The following ARHGAP42 variants were observed in gnomAD, a reference collection of about 807,000 sequenced individuals.
The protein encoded by ARHGAP42 is rho GTPase-activating protein 42.
A neutral mutation model predicts 125.0 loss-of-function variants in ARHGAP42; 63 were observed. That is an observed-to-expected ratio of 0.50 (90% CI 0.41 to 0.62). The LOEUF (loss-of-function observed/expected upper bound fraction) is 0.62, where lower values mean the gene tolerates loss of function less well. ARHGAP42 is among the 20% of genes least tolerant of loss of function. The pLI, the probability that ARHGAP42 is intolerant of heterozygous loss-of-function variation, is 0.00. For synonymous variants in ARHGAP42, 339 were observed against 351.0 expected (o/e 0.97, Z 0.38); for missense variants, 766 against 1,024.2 (o/e 0.75, Z 3.44).
intron 4 of ARHGAP42, among the ~76,000 whole-genome samples, chr11:100,905,535 A>T (rs182255230): frequency 5.3e-5 from 8 of 152,354 alleles, no homozygotes; most frequent in Admixed American, 5.2e-4. Flanking sequence ...CATTGTCCAC[A>T]TAACAATATA....
rs1161656215 is a variant in ARHGAP42, at chr11:100,976,273, A to C, written c.2072A>C (p.Asp691Ala). ...TTSPESSSREDATKTDAESDC... is the reference protein window; with the variant it reads ...TTSPESSSREAATKTDAESDC... ...AGTCCTGAATCAAGTTCCAGAGAAG[A>C]TGCAACCAAGACAGATGCAGAATCA... The change falls in exon 20 of 24, where the codon GAT (aspartate) becomes GCT (alanine). Residue 691 changes from aspartate to alanine, a missense_variant. Transcript: ENST00000298815. 4 of 1,551,620 alleles carry C rather than the reference A, an allele frequency of 2.6e-6. No individual in the cohort carries two copies. The highest frequency in any genetic ancestry group is 3.5e-6 in the Non-Finnish European group (4 of 1,146,948).
intron 23 of ARHGAP42, among the ~76,000 whole-genome samples, chr11:100,988,050 C>T (rs1858731084): frequency 6.6e-6 from 1 of 152,094 alleles, no homozygotes; most frequent in South Asian, 2.1e-4. Context: ...ATGGCTTGAA[C>T]CAGGGAGGCG....
At chr11:100,910,209 G>A (rs1371707817) in intron 4 of ARHGAP42, among the ~76,000 whole-genome samples, 1 of 152,066 alleles carries the variant, frequency 6.6e-6, no homozygotes, top group African/African-American at 2.4e-5. Flanking sequence ...TTCTGTCTCT[G>A]TGTCTCCTCT....
At chr11:100,763,092 G>C (rs1432954051) in intron 1 of ARHGAP42, among the ~76,000 whole-genome samples, 2 of 144,934 alleles carry the variant, frequency 1.4e-5, no homozygotes, top group African/African-American at 5.1e-5. Flanking sequence ...CAATTCTCAT[G>C]CCTCAGCCTC....
At chr11:100,830,168 A>G (rs962758466) in intron 3 of ARHGAP42, among the ~76,000 whole-genome samples, 9 of 152,206 alleles carry the variant, frequency 5.9e-5, no homozygotes, top group African/African-American at 1.9e-4. Flanking sequence ...TCAATTTTCA[A>G]TATTACACAT....
intron 10 of ARHGAP42, among the ~76,000 whole-genome samples, chr11:100,947,853 C>T (rs570166367): frequency 1.1e-4 from 17 of 151,942 alleles, no homozygotes; most frequent in African/African-American, 3.9e-4. Flanking sequence ...TAGTTTTCTC[C>T]CTTCCTCTCC....
At chr11:100,830,253 A>G (rs144358497) in intron 3 of ARHGAP42, among the ~76,000 whole-genome samples, 272 of 152,340 alleles carry the variant, frequency 1.8e-3, no homozygotes, top group African/African-American at 6.2e-3. Flanking sequence ...GGAAGACACT[A>G]TCTGTGAGGC....
intron 3 of ARHGAP42, among the ~76,000 whole-genome samples, chr11:100,796,668 C>T (rs1245959098): frequency 4.0e-5 from 6 of 151,670 alleles, no homozygotes; most frequent in Non-Finnish European, 8.8e-5. Context: ...AGCACTATTA[C>T]TAATATGGAG....
chr11:100,819,343 G>A (rs553863029), intron 3 of ARHGAP42, among the ~76,000 whole-genome samples: 31 of 152,260 alleles, frequency 2.0e-4, no homozygotes, highest in African/African-American at 6.5e-4. Flanking sequence ...ATGTAAACAA[G>A]TGGTGAGAGT....
intron 3 of ARHGAP42, among the ~76,000 whole-genome samples, chr11:100,848,105 A>T (rs996191230): frequency 6.6e-6 from 1 of 152,212 alleles, no homozygotes; most frequent in Admixed American, 6.5e-5. Context: ...ATGAAGTGGG[A>T]ATTGGGAAGC....
chr11:100,948,110 G>A (rs983051255), intron 10 of ARHGAP42, among the ~76,000 whole-genome samples: 10 of 151,934 alleles, frequency 6.6e-5, no homozygotes, highest in African/African-American at 9.7e-5. Context: ...CTCATATTGT[G>A]GAATTCATAG....
intron 2 of ARHGAP42, among the ~76,000 whole-genome samples, chr11:100,787,945 A>T (rs1213041340): frequency 6.6e-6 from 1 of 150,852 alleles, no homozygotes; most frequent in Non-Finnish European, 1.5e-5. Flanking sequence ...CTTGTAATAT[A>T]GACAAGATAG....
intron 4 of ARHGAP42, among the ~76,000 whole-genome samples, chr11:100,888,554 T>C (rs1866148893): frequency 1.3e-5 from 2 of 152,198 alleles, no homozygotes; most frequent in Non-Finnish European, 2.9e-5. Context: ...TAAATTGCCA[T>C]TCATTTTATG....
intron 17 of ARHGAP42, among the ~76,000 whole-genome samples, chr11:100,967,857 G>A (rs912530854): frequency 6.6e-6 from 1 of 152,038 alleles, no homozygotes; most frequent in African/African-American, 2.4e-5. Flanking sequence ...GGTACTAGAG[G>A]CATGTGACAC....
chr11:100,956,159 G>C (rs1414236162), intron 12 of ARHGAP42, among the ~76,000 whole-genome samples: 1 of 126,092 alleles, frequency 7.9e-6, no homozygotes, highest in Non-Finnish European at 1.7e-5. Context: ...TATGTGAATT[G>C]ATAAGTCAGT....
At chr11:100,875,251 A>T (rs1252460624) in intron 4 of ARHGAP42, among the ~76,000 whole-genome samples, 1 of 150,000 alleles carries the variant, frequency 6.7e-6, no homozygotes, top group Non-Finnish European at 1.5e-5. Context: ...TTTTGCTTTT[A>T]AAGTTTTCAG....
chr11:100,772,743 TA>T (rs1214938336), intron 2 of ARHGAP42, among the ~76,000 whole-genome samples: 1 of 152,226 alleles, frequency 6.6e-6, no homozygotes, highest in Non-Finnish European at 1.5e-5. Flanking sequence ...CTTAGCCAGG[TA>T]AAAGCCTAGA....
At chr11:100,961,885 C>G (rs1857965149) in intron 15 of ARHGAP42, 117 bp downstream of exon 15, 1 of 725,152 alleles carries the variant, frequency 1.4e-6, no homozygotes, top group South Asian at 2.1e-5. Context: ...GCTCAGTTCC[C>G]TTACATAAGG....
At chr11:100,782,145 A>C (rs1021400373) in intron 2 of ARHGAP42, among the ~76,000 whole-genome samples, 15 of 152,208 alleles carry the variant, frequency 9.9e-5, no homozygotes, top group Admixed American at 3.3e-4. Context: ...GAACCAGAGA[A>C]TATTATAGAA....
Sources: allele counts gnomAD v4.1 joint callset (sites outside exome capture counted in the v4.1 genomes callset), GRCh38; gene constraint gnomAD v4.1.1; transcripts MANE v1.5; gene names NCBI Gene and HGNC (gene_info 2026-07-23, HGNC 2026-07-21).